PDE4D: variants seen among roughly 807,000 people sequenced by gnomAD.
PDE4D encodes 3',5'-cyclic-AMP phosphodiesterase 4D.
In PDE4D, 24 loss-of-function variants were observed where a neutral mutation model predicts 87.4. The observed-to-expected ratio is 0.27, with a 90% CI of 0.20 to 0.39. The LOEUF is 0.39. PDE4D is among the 10% of genes least tolerant of loss of function. PDE4D has a pLI of 1.00. For missense variants in PDE4D, 714 were observed against 1,041.0 expected, an observed-to-expected ratio of 0.69 and a Z score of 4.32; for synonymous variants, 384 against 383.2, an observed-to-expected ratio of 1.00 and a Z score of -0.02.
At chr5:59,900,253 T>A (rs568891704) in intron 3 of PDE4D, among the ~76,000 whole-genome samples, 8,788 of 125,188 alleles carry the variant, frequency 0.07, 301 homozygotes, top group Middle Eastern at 0.13. Context: ...AAAAAATATA[T>A]ATATATATAT....
chr5:60,119,501 T>C (rs747356430), intron 2 of PDE4D, among the ~76,000 whole-genome samples: 14 of 152,222 alleles, frequency 9.2e-5, no homozygotes, highest in Non-Finnish European at 1.8e-4. Context: ...GATTGCATGA[T>C]GTTTGGAAAA....
At chr5:60,213,302 G>A (rs1743462323) in intron 1 of PDE4D, among the ~76,000 whole-genome samples, 1 of 152,176 alleles carries the variant, frequency 6.6e-6, no homozygotes, top group African/African-American at 2.4e-5. Flanking sequence ...AAATAGGGGT[G>A]TGGAAATATT....
intron 1 of PDE4D, among the ~76,000 whole-genome samples, chr5:59,643,504 C>T (rs1741949870): frequency 6.6e-6 from 1 of 152,176 alleles, no homozygotes; most frequent in African/African-American, 2.4e-5. Context: ...AATTTTCTCA[C>T]AGATGTGTAT....
chr5:60,280,230 T>A (rs1562283670), intron 1 of PDE4D, among the ~76,000 whole-genome samples: 1 of 151,944 alleles, frequency 6.6e-6, no homozygotes. Flanking sequence ...GCAATTAATA[T>A]GTTTTTCTTT....
chr5:60,060,086 T>C (rs1337997220), intron 2 of PDE4D, among the ~76,000 whole-genome samples: 1 of 152,068 alleles, frequency 6.6e-6, no homozygotes, highest in Non-Finnish European at 1.5e-5. Flanking sequence ...GAAGATAATT[T>C]GGAGAAGAGA....
intron 1 of PDE4D, among the ~76,000 whole-genome samples, chr5:59,550,702 AT>A (rs199730901): frequency 1.8e-4 from 27 of 146,300 alleles, no homozygotes; most frequent in African/African-American, 5.3e-4. Flanking sequence ...ATTTCTAAGA[AT>A]TTTTTTTTTT....
chr5:60,466,393 T>G (rs965187639), intron 1 of PDE4D, among the ~76,000 whole-genome samples: 10 of 152,192 alleles, frequency 6.6e-5, no homozygotes, highest in Non-Finnish European at 1.2e-4. Context: ...CATTTCAATT[T>G]TATAGTTCTT....
chr5:60,015,953 T>C (rs1561982075), intron 2 of PDE4D, among the ~76,000 whole-genome samples: 2 of 151,474 alleles, frequency 1.3e-5, no homozygotes, highest in Non-Finnish European at 2.9e-5. Context: ...AGTGGCACGA[T>C]CTCGGCTCAC....
intron 1 of PDE4D, among the ~76,000 whole-genome samples, chr5:59,670,445 A>T (rs1310922118): frequency 6.6e-6 from 1 of 152,236 alleles, no homozygotes; most frequent in Non-Finnish European, 1.5e-5. Flanking sequence ...TCATAGTCAA[A>T]ACACAGCCAA....
intron 1 of PDE4D, among the ~76,000 whole-genome samples, chr5:60,510,979 T>C (rs972770133): frequency 6.6e-6 from 1 of 152,100 alleles, no homozygotes; most frequent in African/African-American, 2.4e-5. Context: ...TTTGTTTTGT[T>C]TTGTTTCTTT....
chr5:59,930,158 G>A (rs1233246279), intron 3 of PDE4D, among the ~76,000 whole-genome samples: 2 of 72,332 alleles, frequency 2.8e-5, no homozygotes, highest in Admixed American at 2.0e-4. Context: ...GCGAGACTCC[G>A]TCTCCAAAAA....
At chr5:59,430,430 G>A in intron 1 of PDE4D, 2 of 1,230,956 alleles carry the variant, frequency 1.6e-6, no homozygotes, top group Non-Finnish European at 2.0e-6. Context: ...ATATCCAAAA[G>A]GCAAGAAGTA....
intron 1 of PDE4D, among the ~76,000 whole-genome samples, chr5:60,199,201 A>C (rs1167313482): frequency 6.6e-6 from 1 of 151,800 alleles, no homozygotes; most frequent in Admixed American, 6.6e-5. Context: ...AGGACAAAGC[A>C]GATACCAAGC....
At chr5:59,817,492 G>C (rs1190258989) in intron 1 of PDE4D, among the ~76,000 whole-genome samples, 1 of 152,064 alleles carries the variant, frequency 6.6e-6, no homozygotes, top group Non-Finnish European at 1.5e-5. Flanking sequence ...ACTGTATTGC[G>C]TCCCTCACCC....
intron 1 of PDE4D, among the ~76,000 whole-genome samples, chr5:59,311,258 GGCTCAT>G (rs1411585141): frequency 1.3e-5 from 2 of 152,006 alleles, no homozygotes; most frequent in Non-Finnish European, 2.9e-5. Context: ...TGGGCGTGGT[GGCTCAT>G]GCTTATAATT....
chr5:60,189,827 C>G (rs1015234671), intron 1 of PDE4D, among the ~76,000 whole-genome samples: 2 of 152,310 alleles, frequency 1.3e-5, no homozygotes, highest in South Asian at 4.1e-4. Context: ...GTACTAAGCT[C>G]TCAGATAAAC....
chr5:60,018,152 C>A (rs569161812), intron 2 of PDE4D, among the ~76,000 whole-genome samples: 1 of 151,576 alleles, frequency 6.6e-6, no homozygotes, highest in East Asian at 1.9e-4. Flanking sequence ...TCAGAAGAAA[C>A]CCTACAAGCT....
chr5:60,404,811 A>G (rs927159104), intron 1 of PDE4D, among the ~76,000 whole-genome samples: 1 of 152,230 alleles, frequency 6.6e-6, no homozygotes, highest in African/African-American at 2.4e-5. Context: ...GGATTGGGCC[A>G]TGTTGGAAAG....
intron 1 of PDE4D, among the ~76,000 whole-genome samples, chr5:59,233,810 A>G (rs10440630): frequency 0.12 from 18,273 of 152,124 alleles, 1,142 homozygotes; most frequent in Non-Finnish European, 0.13. Flanking sequence ...AGAGATACCT[A>G]TCCATTCCAC....
Sources: gnomAD v4.1 joint callset for allele counts (sites outside exome capture counted in the v4.1 genomes callset) on GRCh38, gnomAD v4.1.1 for gene constraint, MANE v1.5 for transcripts, NCBI Gene and HGNC (gene_info 2026-07-23, HGNC 2026-07-21) for gene names.